The following ZNF774 variants were observed in gnomAD, a reference collection of about 807,000 sequenced individuals.
ZNF774 encodes the protein zinc finger protein 774.
In ZNF774, 14 loss-of-function variants were observed where a neutral mutation model predicts 11.1. The observed-to-expected ratio is 1.26, with a 90% CI of 0.83 to 1.97. The LOEUF (loss-of-function observed/expected upper bound fraction) is 1.97. Among genes scored for constraint, ZNF774 ranks in the 30% most tolerant of loss-of-function variants. ZNF774 has a pLI of 0.00. For synonymous variants in ZNF774, 195 were observed against 212.6 expected, an observed-to-expected ratio of 0.92 and a Z score of 0.72; for missense variants, 599 against 587.0, an observed-to-expected ratio of 1.02 and a Z score of -0.21.
chr15:90,358,295 G>C (rs1964275394), intron 2 of ZNF774, among the ~76,000 whole-genome samples: 1 of 152,136 alleles, frequency 6.6e-6, no homozygotes, highest in South Asian at 2.1e-4. Flanking sequence ...CAGGCAGTGT[G>C]ACTCTTGAGT....
intron 1 of ZNF774, among the ~76,000 whole-genome samples, chr15:90,353,777 T>G (rs929256127): frequency 2.0e-5 from 3 of 152,036 alleles, no homozygotes; most frequent in Admixed American, 1.3e-4. Flanking sequence ...TAAAAGTTCT[T>G]TGTAGAGAAA....
rs749391075 is a variant in ZNF774 at position 90,360,866 on chromosome 15, GC to G, written c.1037del (p.Pro346LeufsTer81). The G allele has an allele frequency of 6.2e-7, 1 of 1,614,112 alleles. No individual in the cohort carries two copies. The highest frequency in any genetic ancestry group is 1.1e-5 in the South Asian group (1 of 91,074). On this transcript the variant is annotated frameshift_variant, in exon 4 of 4. Transcript: ENST00000354377. LOFTEE classifies it low-confidence loss of function (END_TRUNC). Reference sequence around the variant, plus strand: ...ACATGAGCACTCATTCAGGAGAGAGGCCTTTCAGTTGTCCTGACTGCCACAA... The same window carrying G: ...ACATGAGCACTCATTCAGGAGAGAGGCTTTCAGTTGTCCTGACTGCCACAA... ...AHMSTHSGER[P>X]FSCPDCHKSF...
intron 3 of ZNF774, among the ~76,000 whole-genome samples, chr15:90,359,493 C>T (rs572726051): frequency 9.3e-4 from 142 of 151,888 alleles, no homozygotes; most frequent in Non-Finnish European, 1.6e-3. Context: ...CTCCCTCTGT[C>T]TCCCAGCCTG....
intron 2 of ZNF774, among the ~76,000 whole-genome samples, chr15:90,356,027 C>CA (rs34661455): frequency 6.9e-4 from 78 of 112,716 alleles, no homozygotes; most frequent in Non-Finnish European, 1.0e-3. Context: ...GACTCCATCT[C>CA]AAAAAAAAAA....
In ZNF774 at chr15:90,354,701, A is replaced by G; in HGVS notation, c.41A>G (p.His14Arg). 6.2e-7 allele frequency: 1 copy of G among 1,612,208 alleles called. No homozygotes were observed. Among genetic ancestry groups the G allele is most frequent in the Non-Finnish European group, 8.5e-7 (1 of 1,179,270 alleles). The change falls in exon 2 of 4, where the codon CAC becomes CGC. Residue 14 changes from histidine (H) to arginine (R), a missense_variant. By Grantham distance (29) the His-to-Arg change is conservative. Coordinates refer to ENST00000354377, the MANE Select transcript of ZNF774 (RefSeq NM_001004309.3). ...TCAGGGAAGAGTGGGTTACCTGGACACTGCTTAGAGAATCCTCTCCAGGAA... is the reference window on the plus strand; with the variant it reads ...TCAGGGAAGAGTGGGTTACCTGGACGCTGCTTAGAGAATCCTCTCCAGGAA... ...GTSGKSGLPG[H>R]CLENPLQECH...
At chr15:90,355,566 T>TA (rs550853643) in intron 2 of ZNF774, 240 of 373,612 alleles carry the variant, frequency 6.4e-4, no homozygotes, top group African/African-American at 4.9e-3. Flanking sequence ...CTACTAAAAA[T>TA]AAAAAAATTA....
intron 2 of ZNF774, among the ~76,000 whole-genome samples, chr15:90,358,394 G>A (rs979491849): frequency 2.0e-5 from 3 of 152,098 alleles, no homozygotes; most frequent in Non-Finnish European, 2.9e-5. Context: ...AACATTTTTC[G>A]TATATTTACA....
At chr15:90,359,394 C>T (rs1230117999) in intron 3 of ZNF774, among the ~76,000 whole-genome samples, 2 of 151,530 alleles carry the variant, frequency 1.3e-5, no homozygotes, top group African/African-American at 4.8e-5. Flanking sequence ...TTAAATTTGA[C>T]TTAATGGTCA....
chr15:90,359,307 C>T (rs1001629034), intron 3 of ZNF774, among the ~76,000 whole-genome samples: 14 of 151,476 alleles, frequency 9.2e-5, no homozygotes, highest in Non-Finnish European at 1.9e-4. Context: ...CTCCTGACCT[C>T]ATGATCCACC....
In ZNF774 at chr15:90,360,773, G is replaced by C; in HGVS notation, c.942G>C (p.Thr314=). 6.2e-7 allele frequency: 1 copy of C among 1,613,998 alleles called. No individual in the cohort carries two copies. The highest frequency in any genetic ancestry group is 1.1e-5 in the South Asian group (1 of 91,070). Residue 314 remains threonine (T), a synonymous_variant, in exon 4 of 4, where the codon ACG becomes ACC. Coordinates refer to ENST00000354377, the MANE Select transcript of ZNF774 (RefSeq NM_001004309.3). ...TGATTAAGCACCAACGAACCCACAC[G>C]GGAGAACGGCCCTTCAAATGCCCGG... ...SDLIKHQRTH[T]GERPFKCPEC... is the part of the protein sequence containing the mutation.
chr15:90,360,075 G>A lies in ZNF774; in HGVS notation c.244G>A (p.Asp82Asn), dbSNP rs1779998972. Residue 82 changes from aspartate (D) to asparagine (N), a missense_variant, in exon 4 of 4, where the codon GAC becomes AAC. Physicochemically the swap from Asp to Asn is conservative, Grantham distance 23 (BLOSUM62 1). Coordinates refer to ENST00000354377, the MANE Select transcript of ZNF774 (RefSeq NM_001004309.3). ...GCATCAGGTGGCAAAGCTCAATCAG[G>A]ACAATTCTGAAACAGCAGAACAATG... ...CEHQVAKLNQ[D>N]NSETAEQCGT... is the part of the protein sequence containing the mutation. 1 of 1,613,370 alleles carries A rather than the reference G, an allele frequency of 6.2e-7. No individual in the cohort carries two copies. Among genetic ancestry groups the A allele is most frequent in the Admixed American group, 1.7e-5 (1 of 59,914 alleles).
chr15:90,354,493 C>A, intron 1 of ZNF774, 149 bp from the exon 2 acceptor site: 1 of 588,216 alleles, frequency 1.7e-6, no homozygotes, highest in Non-Finnish European at 3.0e-6. Context: ...TAGAAAAGCA[C>A]CCCTCTGTGG....
At chr15:90,359,364 G>A (rs2601149) in intron 3 of ZNF774, among the ~76,000 whole-genome samples, 22,607 of 151,912 alleles carry the variant, frequency 0.15, 2,368 homozygotes, top group East Asian at 0.47. Flanking sequence ...GAGCCACCGC[G>A]CCCGGCCACT....
At chr15:90,358,312 T>G (rs1025845489) in intron 2 of ZNF774, among the ~76,000 whole-genome samples, 3 of 152,236 alleles carry the variant, frequency 2.0e-5, no homozygotes, top group African/African-American at 7.2e-5. Flanking sequence ...GAGTTTGCAC[T>G]CATTACCTCT....
chr15:90,361,435 A>T lies in ZNF774; in HGVS notation c.*152A>T. Reference sequence around the variant, plus strand: ...TTGTCTATGTTATAACAGAGAGGATAAACTTAAAGGGTCCAAATAACGGTC... The same window carrying T: ...TTGTCTATGTTATAACAGAGAGGATTAACTTAAAGGGTCCAAATAACGGTC... On this transcript the variant is annotated 3_prime_UTR_variant, in exon 4 of 4. Transcript: ENST00000354377. 1.4e-6 allele frequency: 2 copies of T among 1,453,142 alleles called. No individual in the cohort carries two copies. Among genetic ancestry groups the T allele is most frequent in the Non-Finnish European group, 1.8e-6 (2 of 1,109,626 alleles). 90.0% of individuals were successfully genotyped at this position (1,453,142 alleles called of 1,614,324 possible).
chr15:90,356,832 A>G (rs1474235254), intron 2 of ZNF774, among the ~76,000 whole-genome samples: 1 of 152,114 alleles, frequency 6.6e-6, no homozygotes, highest in East Asian at 1.9e-4. Flanking sequence ...TTTTTAACCT[A>G]TAAAAATAGC....
intron 1 of ZNF774, among the ~76,000 whole-genome samples, chr15:90,354,427 G>C (rs1442191346): frequency 1.3e-5 from 2 of 152,194 alleles, no homozygotes; most frequent in Non-Finnish European, 2.9e-5. Context: ...GGGAGGCCTA[G>C]GCCTCTCTTA....
rs35498554 is a variant in ZNF774, at chr15:90,355,722, C to CAAAAA, written c.104+977_104+981dup. Reference sequence around the variant, plus strand: ...TGGGCAATAGAGCAAGACTCTGTCTCAAAAAAAAAAAAAAAAAAAAAAACA... The same window carrying CAAAAA: ...TGGGCAATAGAGCAAGACTCTGTCTCAAAAAAAAAAAAAAAAAAAAAAAAAAAACA... On this transcript the variant is annotated intron_variant, in intron 2 of 3. Coordinates refer to ENST00000354377, the MANE Select transcript of ZNF774 (RefSeq NM_001004309.3). Among the ~76,000 whole-genome samples, 24 of 40,032 alleles carry CAAAAA rather than the reference C, an allele frequency of 6.0e-4. 2 individuals carry two copies. The highest frequency in any genetic ancestry group is 2.3e-3 in the African/African-American group (20 of 8,678). The allele number at this position is 40,032 out of a possible 152,430, so 26.3% of individuals were successfully genotyped here. A position where few individuals can be genotyped will look rare whatever the true frequency, so the allele number is the denominator to read the frequency against.
rs1219041676 is a variant in ZNF774, at chr15:90,359,925, G to A, written c.212-118G>A. The A allele has an allele frequency of 2.2e-5, 24 of 1,108,098 alleles. No individual in the cohort carries two copies. The East Asian group carries it at 3.6e-4, about 17-fold the overall frequency. The allele number at this position is 1,108,098 out of a possible 1,614,324, so 68.6% of individuals were successfully genotyped here. On this transcript the variant is annotated intron_variant, in intron 3 of 3. Coordinates refer to ENST00000354377, the MANE Select transcript of ZNF774 (RefSeq NM_001004309.3). ...ACTTTTCACAAAGTGAAAACAGAGC[G>A]GTTGAATTAAGTGCAGTCTGCTGCA...
Sources: gnomAD v4.1 joint callset for allele counts (sites outside exome capture counted in the v4.1 genomes callset) on GRCh38, gnomAD v4.1.1 for gene constraint, MANE v1.5 for transcripts, NCBI Gene and HGNC (gene_info 2026-07-23, HGNC 2026-07-21) for gene names.